Variants in NFAM1 observed in about 807,000 individuals in gnomAD.
NFAM1 encodes NFAT activation molecule 1.
In NFAM1, 17 loss-of-function variants were observed where a neutral mutation model predicts 29.0. That is an observed-to-expected ratio of 0.59 (90% confidence interval 0.40 to 0.88). NFAM1 has a LOEUF of 0.88. Ranked by LOEUF, NFAM1 falls within the 40% of genes least tolerant of loss-of-function variation. NFAM1 has a pLI of 0.00. For synonymous variants in NFAM1, 175 were observed against 147.2 expected (o/e 1.19, Z -1.36); for missense variants, 324 against 344.6 (o/e 0.94, Z 0.47).
In NFAM1 at chr22:42,399,875, T is replaced by C. The variant is rs73886070; in HGVS notation, c.565-1919A>G. On this transcript the variant is annotated intron_variant, in intron 3 of 5. Coordinates refer to ENST00000329021, the MANE Select transcript of NFAM1 (RefSeq NM_145912.8). ...GCCCATTTACTGCGGGATTAGCTGC[T>C]GAGAGCTACTTAACTCGCAGGCAGA... Among the ~76,000 whole-genome samples the C allele has an allele frequency of 9.7e-3, 1,470 of 152,330 alleles. 25 individuals carry two copies. The highest frequency in any genetic ancestry group is 0.033 in the African/African-American group (1,380 of 41,562).
chr22:42,387,344 G>A (rs1057113767), intron 4 of NFAM1, among the ~76,000 whole-genome samples: 2 of 152,144 alleles, frequency 1.3e-5, no homozygotes, highest in African/African-American at 2.4e-5. Flanking sequence ...CCACCTGGAG[G>A]GTTCTATCCA....
chr22:42,402,112 T>G (rs1929743461), intron 3 of NFAM1, among the ~76,000 whole-genome samples: 1 of 152,114 alleles, frequency 6.6e-6, no homozygotes, highest in South Asian at 2.1e-4. Flanking sequence ...AGACCTATAT[T>G]CCAGGAGAGG....
chr22:42,414,829 G>A (rs1281937251), intron 1 of NFAM1, among the ~76,000 whole-genome samples: 2 of 152,014 alleles, frequency 1.3e-5, no homozygotes, highest in Non-Finnish European at 2.9e-5. Context: ...TGCTTGTCCT[G>A]GGCAGGAAGA....
chr22:42,406,748 T>C (rs1041061470), intron 3 of NFAM1, among the ~76,000 whole-genome samples: 1 of 152,220 alleles, frequency 6.6e-6, no homozygotes, highest in Admixed American at 6.5e-5. Context: ...GGAATGCCAA[T>C]TTAATGAAAA....
chr22:42,423,883 G>A (rs1222820689), intron 1 of NFAM1, among the ~76,000 whole-genome samples: 1 of 152,022 alleles, frequency 6.6e-6, no homozygotes, highest in East Asian at 1.9e-4. Flanking sequence ...ACCACACCCA[G>A]CTAGTTTTTG....
At chr22:42,422,853 G>A (rs1264146787) in intron 1 of NFAM1, among the ~76,000 whole-genome samples, 5 of 151,948 alleles carry the variant, frequency 3.3e-5, no homozygotes, top group East Asian at 1.9e-4. Context: ...GGTGGCTCAC[G>A]CCTGTAATCC....
intron 3 of NFAM1, among the ~76,000 whole-genome samples, chr22:42,402,664 C>T (rs369429171): frequency 5.3e-5 from 8 of 149,978 alleles, no homozygotes; most frequent in African/African-American, 2.0e-4. Context: ...GACGGGCCAG[C>T]CGCAGGGAGC....
chr22:42,409,037 G>A lies in NFAM1; in HGVS notation c.564+398C>T, dbSNP rs1425731075. ...CGTGCGAGAGGGCGAGTGGGAGGGTGTGTGGGAGAGCACCTGTGTGAGTGG... is the reference window on the plus strand; with the variant it reads ...CGTGCGAGAGGGCGAGTGGGAGGGTATGTGGGAGAGCACCTGTGTGAGTGG... On this transcript the variant is annotated intron_variant, in intron 3 of 5. Transcript: ENST00000329021. This position sits in a 1 kb window ranked among gnomAD's most constrained non-coding sequence, Gnocchi z 4.9. 6.6e-6 allele frequency among the ~76,000 whole-genome samples: 1 copy of A among 152,168 alleles called. No homozygotes were observed. The highest frequency in any genetic ancestry group is 1.9e-4 in the East Asian group (1 of 5,194).
intron 1 of NFAM1, among the ~76,000 whole-genome samples, chr22:42,414,602 G>T (rs1930197489): frequency 6.6e-6 from 1 of 151,514 alleles, no homozygotes; most frequent in Admixed American, 6.6e-5. Context: ...AGAGACAAGA[G>T]GGGTAGAGTG....
Position 42,388,425 on chromosome 22 carries a change from T to G in NFAM1, c.664-1347A>C, listed in dbSNP as rs1042468616. Among the ~76,000 whole-genome samples, 25 of 152,206 alleles carry G rather than the reference T, an allele frequency of 1.6e-4. No homozygotes were observed. Among genetic ancestry groups the G allele is most frequent in the African/African-American group, 6.0e-4 (25 of 41,454 alleles). On this transcript the variant is annotated intron_variant, in intron 4 of 5. Transcript: ENST00000329021. This position sits in a 1 kb window ranked among gnomAD's most constrained non-coding sequence, Gnocchi z 4.1. ...ATGAGGCCTGCCCACCTCCCCTCTC[T>G]GGGATCACAGACCAGACCCTCCCTC...
chr22:42,411,815 C>G, intron 1 of NFAM1, 79 bp from the exon 2 acceptor site: 1 of 966,496 alleles, frequency 1.0e-6, no homozygotes. Flanking sequence ...TTAAGGCTCA[C>G]GACCGGGTGC....
chr22:42,437,200 T>C (rs146862622), upstream of NFAM1, among the ~76,000 whole-genome samples: 1 of 149,896 alleles, frequency 6.7e-6, no homozygotes, highest in African/African-American at 2.5e-5. Context: ...TGGAGTGCAG[T>C]GGTGCGATCT....
chr22:42,392,310 G>T (rs10084647), intron 4 of NFAM1, among the ~76,000 whole-genome samples: 8,922 of 152,230 alleles, frequency 0.059, 326 homozygotes, highest in African/African-American at 0.11. Flanking sequence ...TGTGTTTGAG[G>T]AGGAGGGAGA....
intron 4 of NFAM1, among the ~76,000 whole-genome samples, chr22:42,391,037 C>T (rs12484450): frequency 0.16 from 24,224 of 152,030 alleles, 2,020 homozygotes; most frequent in African/African-American, 0.19. Flanking sequence ...AGCTGCTGGG[C>T]CTTGAAACCT....
At chr22:42,430,876 G>T (rs982972157) in intron 1 of NFAM1, among the ~76,000 whole-genome samples, 13 of 152,166 alleles carry the variant, frequency 8.5e-5, no homozygotes, top group Non-Finnish European at 1.8e-4. Flanking sequence ...AATTAAAAAT[G>T]ACTGTAGTTG....
At chr22:42,395,582 C>A (rs370580988) in intron 4 of NFAM1, among the ~76,000 whole-genome samples, 2 of 151,016 alleles carry the variant, frequency 1.3e-5, no homozygotes, top group Non-Finnish European at 3.0e-5. Flanking sequence ...TGACTGGGTT[C>A]GTAGAAAATC....
At chr22:42,432,404 A>C (rs1601767641), upstream of NFAM1, 3 of 1,496,486 alleles carry the variant, frequency 2.0e-6, no homozygotes, top group Admixed American at 4.8e-5. Context: ...ACAGGAGGGG[A>C]CGGCCGGCGC....
At chr22:42,428,434 T>C (rs1212318668) in intron 1 of NFAM1, among the ~76,000 whole-genome samples, 1 of 152,000 alleles carries the variant, frequency 6.6e-6, no homozygotes, top group Non-Finnish European at 1.5e-5. Context: ...CTCCTGAACA[T>C]CTTTTTTTAT....
Position 42,419,785 on chromosome 22 carries a change from G to T in NFAM1, c.122-8049C>A, listed in dbSNP as rs971456522. On this transcript the variant is annotated intron_variant, in intron 1 of 5. Coordinates refer to ENST00000329021, the MANE Select transcript of NFAM1 (RefSeq NM_145912.8). This position sits in a 1 kb window ranked among gnomAD's most constrained non-coding sequence, Gnocchi z 4.5. Reference sequence around the variant, plus strand: ...CTCACTTCCTCCCTGAGCCACTCCTGGGTGTCTGGCTGCCCCGCACAGCAC... The same window carrying T: ...CTCACTTCCTCCCTGAGCCACTCCTTGGTGTCTGGCTGCCCCGCACAGCAC... Among the ~76,000 whole-genome samples the T allele has an allele frequency of 3.3e-5, 5 of 152,122 alleles. No homozygotes were observed. The highest frequency in any genetic ancestry group is 1.2e-4 in the African/African-American group (5 of 41,412).
Sources: gnomAD v4.1 joint callset for allele counts (sites outside exome capture counted in the v4.1 genomes callset) on GRCh38, gnomAD v4.1.1 for gene constraint, Gnocchi (gnomAD v3.1) non-coding constraint, MANE v1.5 for transcripts, NCBI Gene and HGNC (gene_info 2026-07-23, HGNC 2026-07-21) for gene names.